The following UBE2E2 variants were observed in gnomAD, a reference collection of about 807,000 sequenced individuals.
The protein encoded by UBE2E2 is ubiquitin-conjugating enzyme E2 E2.
In UBE2E2, 6 loss-of-function variants were observed where a neutral mutation model predicts 24.7. The ratio of observed to expected loss-of-function variants is 0.24; its 90% confidence interval spans 0.13 to 0.48. The LOEUF is 0.48. Ranked by LOEUF, UBE2E2 falls within the 20% of genes least tolerant of loss-of-function variation. The pLI, the probability that UBE2E2 is intolerant of heterozygous loss-of-function variation, is 0.99. For missense variants in UBE2E2, 169 were observed against 245.0 expected (o/e 0.69, Z 2.07); for synonymous variants, 104 against 83.6 (o/e 1.24, Z -1.33).
At chr3:23,394,257 GT>G in intron 3 of UBE2E2, among the ~76,000 whole-genome samples, 1 of 152,232 alleles carries the variant, frequency 6.6e-6, no homozygotes, top group East Asian at 1.9e-4. Context: ...TGGAGAGAGA[GT>G]TTTTATGAAA....
At chr3:23,554,980 G>C (rs148970216) in intron 5 of UBE2E2, among the ~76,000 whole-genome samples, 1 of 151,328 alleles carries the variant, frequency 6.6e-6, no homozygotes, top group Non-Finnish European at 1.5e-5. Context: ...ACAGTGATGT[G>C]ATCTCTGCTC....
intron 5 of UBE2E2, among the ~76,000 whole-genome samples, chr3:23,568,240 C>G (rs1487126089): frequency 6.6e-6 from 1 of 152,168 alleles, no homozygotes; most frequent in African/African-American, 2.4e-5. Context: ...TGTATTCACA[C>G]CCACTATCAC....
rs75431641 is a variant in UBE2E2 at position 23,229,155 on chromosome 3, A to G, written c.227+11843A>G. 5.5e-3 allele frequency among the ~76,000 whole-genome samples: 837 copies of G among 152,344 alleles called. 16 individuals carry two copies. In the East Asian group the frequency reaches 0.067, roughly 12 times the overall value. On this transcript the variant is annotated intron_variant, in intron 3 of 5. Coordinates refer to ENST00000396703, the MANE Select transcript of UBE2E2 (RefSeq NM_152653.4). ...TCAGTATATCTGTGAATTAGTAAAT[A>G]TAATTAATTATAGTAGGGAGCTAAC... is the stretch of plus-strand genomic sequence containing the variant.
Position 23,299,891 on chromosome 3 carries a change from G to A in UBE2E2, c.227+82579G>A, listed in dbSNP as rs573918740. Among the ~76,000 whole-genome samples, 596 of 152,186 alleles carry A rather than the reference G, an allele frequency of 3.9e-3. 5 individuals carry two copies. The highest frequency in any genetic ancestry group is 0.013 in the African/African-American group (545 of 41,516). On this transcript the variant is annotated intron_variant, in intron 3 of 5. Transcript: ENST00000396703. ...CTAATGTTGACAGTGGGGTGTTAAA[G>A]TCTCCCATTATTAGTGTGTGGGAGT...
chr3:23,319,063 TCTTTTA>T (rs1351683337), intron 3 of UBE2E2, among the ~76,000 whole-genome samples: 1 of 152,126 alleles, frequency 6.6e-6, no homozygotes, highest in Non-Finnish European at 1.5e-5. Flanking sequence ...AAACTGAGAG[TCTTTTA>T]CTTTTACTTT....
intron 3 of UBE2E2, among the ~76,000 whole-genome samples, chr3:23,234,920 G>C (rs1484400050): frequency 6.6e-6 from 1 of 152,168 alleles, no homozygotes; most frequent in Non-Finnish European, 1.5e-5. Context: ...ATTTTTGAAA[G>C]AATGTCAGGC....
At chr3:23,398,755 T>C (rs953771554) in intron 3 of UBE2E2, among the ~76,000 whole-genome samples, 3 of 152,324 alleles carry the variant, frequency 2.0e-5, no homozygotes, top group Admixed American at 1.3e-4. Flanking sequence ...GACAGGGTTT[T>C]ATAGCAGTGC....
intron 3 of UBE2E2, among the ~76,000 whole-genome samples, chr3:23,461,406 G>C (rs897412207): frequency 1.3e-5 from 2 of 151,736 alleles, no homozygotes; most frequent in African/African-American, 2.4e-5. Context: ...TCAGGTCTTA[G>C]AGCTGTTCAG....
At chr3:23,387,227 C>T (rs901801201) in intron 3 of UBE2E2, among the ~76,000 whole-genome samples, 2 of 152,140 alleles carry the variant, frequency 1.3e-5, no homozygotes, top group Non-Finnish European at 2.9e-5. Flanking sequence ...TCTGTGGTTA[C>T]AGGGCAGACG....
intron 4 of UBE2E2, among the ~76,000 whole-genome samples, chr3:23,506,779 A>C (rs1694469213): frequency 6.6e-6 from 1 of 152,026 alleles, no homozygotes; most frequent in Non-Finnish European, 1.5e-5. Flanking sequence ...GACCACAGGC[A>C]TTTGCCACCA....
chr3:23,346,886 C>A lies in UBE2E2; in HGVS notation c.227+129574C>A, dbSNP rs147658167. 7.2e-4 allele frequency among the ~76,000 whole-genome samples: 110 copies of A among 152,210 alleles called. 1 individual carries two copies. The highest frequency in any genetic ancestry group is 2.5e-3 in the African/African-American group (105 of 41,518). On this transcript the variant is annotated intron_variant, in intron 3 of 5. Coordinates refer to ENST00000396703, the MANE Select transcript of UBE2E2 (RefSeq NM_152653.4). ...AGGAGAAGACTAAGTTACATATGAG[C>A]CCTGTTTTGAGTAATGTATTACTAT...
intron 3 of UBE2E2, among the ~76,000 whole-genome samples, chr3:23,499,379 G>A (rs966865403): frequency 1.3e-5 from 2 of 152,166 alleles, no homozygotes; most frequent in African/African-American, 4.8e-5. Context: ...ATAGGCGTAG[G>A]GTTGTGAATG....
intron 3 of UBE2E2, among the ~76,000 whole-genome samples, chr3:23,412,367 C>T (rs1697513815): frequency 6.6e-6 from 1 of 151,772 alleles, no homozygotes; most frequent in Non-Finnish European, 1.5e-5. Context: ...AGTTAAATTT[C>T]GTAGTAGTGA....
At chr3:23,221,200 TGTA>T (rs1559444524) in intron 3 of UBE2E2, among the ~76,000 whole-genome samples, 2 of 152,330 alleles carry the variant, frequency 1.3e-5, no homozygotes, top group Non-Finnish European at 2.9e-5. Context: ...AAAAAGAGGA[TGTA>T]GTTATACTAG....
intron 3 of UBE2E2, among the ~76,000 whole-genome samples, chr3:23,328,879 C>T (rs952890865): frequency 6.6e-6 from 1 of 152,118 alleles, no homozygotes. Context: ...CCAAGCTGGT[C>T]TCGAACGCCT....
chr3:23,288,585 C>T (rs1419191506), intron 3 of UBE2E2, among the ~76,000 whole-genome samples: 1 of 152,154 alleles, frequency 6.6e-6, no homozygotes, highest in Non-Finnish European at 1.5e-5. Flanking sequence ...CTGTATATAT[C>T]TGGGTGCTCC....
intron 3 of UBE2E2, among the ~76,000 whole-genome samples, chr3:23,269,850 A>G (rs1477525153): frequency 6.6e-6 from 1 of 152,186 alleles, no homozygotes; most frequent in Non-Finnish European, 1.5e-5. Context: ...CCAGTAGAAA[A>G]AGGGGAAAAA....
At chr3:23,328,146 C>A (rs184080866) in intron 3 of UBE2E2, among the ~76,000 whole-genome samples, 1 of 151,318 alleles carries the variant, frequency 6.6e-6, no homozygotes, top group Non-Finnish European at 1.5e-5. Context: ...GGATAATTTG[C>A]GACAATAAAA....
chr3:23,266,202 G>A (rs1187713719), intron 3 of UBE2E2, among the ~76,000 whole-genome samples: 4 of 152,100 alleles, frequency 2.6e-5, no homozygotes, highest in African/African-American at 9.7e-5. Context: ...ATGTTAGTTG[G>A]TTATTTTGCT....
Sources: allele counts gnomAD v4.1 joint callset (sites outside exome capture counted in the v4.1 genomes callset), GRCh38; gene constraint gnomAD v4.1.1; transcripts MANE v1.5; gene names NCBI Gene and HGNC (gene_info 2026-07-23, HGNC 2026-07-21).